Variants in UVRAG observed in about 807,000 individuals in gnomAD.
The protein encoded by UVRAG is UV radiation resistance-associated gene protein.
Under a neutral mutation model 78.0 loss-of-function variants are expected in UVRAG, and 19 were observed. The ratio of observed to expected loss-of-function variants is 0.24; its 90% confidence interval spans 0.17 to 0.36. The LOEUF (loss-of-function observed/expected upper bound fraction) is 0.36. Ranked by LOEUF, UVRAG falls within the 10% of genes least tolerant of loss-of-function variation. UVRAG has a pLI of 1.00. For synonymous variants in UVRAG, 323 were observed against 324.6 expected, an observed-to-expected ratio of 1.00 and a Z score of 0.05; for missense variants, 740 against 853.8, an observed-to-expected ratio of 0.87 and a Z score of 1.66.
At chr11:75,904,113 T>C (rs905522958) in intron 5 of UVRAG, among the ~76,000 whole-genome samples, 52 of 152,224 alleles carry the variant, frequency 3.4e-4, no homozygotes, top group African/African-American at 1.2e-3. Flanking sequence ...AGAAATGACA[T>C]GTGGCCTGCA....
At chr11:76,061,367 C>T (rs1951089312) in intron 12 of UVRAG, among the ~76,000 whole-genome samples, 1 of 152,126 alleles carries the variant, frequency 6.6e-6, no homozygotes, top group Non-Finnish European at 1.5e-5. Flanking sequence ...GTGGGTGGGG[C>T]CAGATAAGAG....
chr11:75,833,110 T>C (rs1945697527), intron 1 of UVRAG, among the ~76,000 whole-genome samples: 1 of 152,150 alleles, frequency 6.6e-6, no homozygotes. Flanking sequence ...TTATTTTTAT[T>C]TTTATTTGGA....
intron 7 of UVRAG, chr11:75,979,753 TGATTTTCCGGGTGC>T (rs1949349204): frequency 6.6e-6 from 1 of 152,336 alleles, no homozygotes; most frequent in Non-Finnish European, 1.5e-5. Flanking sequence ...GGGAGTGACC[TGATTTTCCGGGTGC>T]GATTTTCCAG....
At chr11:75,918,332 C>T (rs76643659) in intron 6 of UVRAG, among the ~76,000 whole-genome samples, 4,808 of 150,536 alleles carry the variant, frequency 0.032, 253 homozygotes, top group African/African-American at 0.11. Context: ...GAGCCGAGAT[C>T]GCGCCGCTGC....
At chr11:76,116,368 G>A (rs1429659009) in intron 14 of UVRAG, among the ~76,000 whole-genome samples, 2 of 152,156 alleles carry the variant, frequency 1.3e-5, no homozygotes, top group East Asian at 1.9e-4. Context: ...ACAGGTGAAG[G>A]GCCTGATTAT....
intron 6 of UVRAG, among the ~76,000 whole-genome samples, chr11:75,956,729 C>G (rs185320828): frequency 6.6e-6 from 1 of 152,270 alleles, no homozygotes; most frequent in Admixed American, 6.5e-5. Flanking sequence ...TTTAGCTGTT[C>G]CACATCCTTG....
At chr11:75,945,961 G>C (rs937065346) in intron 6 of UVRAG, among the ~76,000 whole-genome samples, 2 of 151,870 alleles carry the variant, frequency 1.3e-5, no homozygotes, top group Admixed American at 1.3e-4. Flanking sequence ...TTTATGTTCA[G>C]CCCTTACCCG....
intron 4 of UVRAG, among the ~76,000 whole-genome samples, chr11:75,885,197 C>T (rs1434894169): frequency 6.6e-6 from 1 of 151,878 alleles, no homozygotes; most frequent in Non-Finnish European, 1.5e-5. Flanking sequence ...GTATTCTACA[C>T]CCTTGCTAAA....
chr11:75,939,637 GTTCACCCCCTTCAGA>G (rs1359272222), intron 6 of UVRAG, among the ~76,000 whole-genome samples: 1 of 152,010 alleles, frequency 6.6e-6, no homozygotes, highest in Non-Finnish European at 1.5e-5. Context: ...GGTCTAAAGT[GTTCACCCCCTTCAGA>G]TTGCTTTTTG....
intron 6 of UVRAG, among the ~76,000 whole-genome samples, chr11:75,952,976 TG>T (rs1249494977): frequency 1.3e-5 from 2 of 152,180 alleles, no homozygotes; most frequent in Non-Finnish European, 2.9e-5. Context: ...TTGTTTGTTT[TG>T]GAAATTTGTG....
intron 14 of UVRAG, among the ~76,000 whole-genome samples, chr11:76,130,927 G>GT (rs1172470643): frequency 4.1e-5 from 6 of 146,686 alleles, no homozygotes. Context: ...GAGGTTTTGG[G>GT]TTTTTTTGTT....
intron 12 of UVRAG, among the ~76,000 whole-genome samples, chr11:76,030,777 CTCTT>C (rs1950422103): frequency 6.6e-6 from 1 of 152,186 alleles, no homozygotes; most frequent in Non-Finnish European, 1.5e-5. Flanking sequence ...TCATCGTAAG[CTCTT>C]TCTTGATTTC....
In UVRAG at chr11:76,016,987, GTCTTTTTTTT is replaced by G; in HGVS notation, c.1226+8_1226+17del. ...TGACGGAAAAGGAGAGAGAGTAAGT[GTCTTTTTTTT>G]AAAAAAATGATTTTAACATCAAGCC... On this transcript the variant is annotated splice_region_variant and intron_variant, in intron 12 of 14. Coordinates refer to ENST00000356136, the MANE Select transcript of UVRAG (RefSeq NM_003369.4). The G allele has an allele frequency of 1.3e-6, 2 of 1,580,962 alleles. No homozygotes were observed. Among genetic ancestry groups the G allele is most frequent in the Admixed American group, 1.8e-5 (1 of 55,828 alleles).
chr11:76,007,900 T>C (rs1228073325), intron 10 of UVRAG, among the ~76,000 whole-genome samples: 1 of 151,948 alleles, frequency 6.6e-6, no homozygotes, highest in Non-Finnish European at 1.5e-5. Context: ...AACCACATTA[T>C]CCATTATCAC....
intron 12 of UVRAG, among the ~76,000 whole-genome samples, chr11:76,019,294 C>T (rs1481402236): frequency 6.6e-6 from 1 of 152,180 alleles, no homozygotes; most frequent in Non-Finnish European, 1.5e-5. Flanking sequence ...ATTTTGAATT[C>T]TCTGTCCGAA....
intron 3 of UVRAG, among the ~76,000 whole-genome samples, chr11:75,865,799 G>C (rs1384666558): frequency 6.6e-6 from 1 of 152,036 alleles, no homozygotes; most frequent in Non-Finnish European, 1.5e-5. Context: ...ATTTTTAGTA[G>C]AGACAGGATT....
rs565856586 is a variant in UVRAG, at chr11:75,933,140, G to A, written c.593+21101G>A. Among the ~76,000 whole-genome samples, 160 of 152,190 alleles carry A rather than the reference G, an allele frequency of 1.1e-3. 2 individuals are homozygous for A. Among genetic ancestry groups the A allele is most frequent in the Non-Finnish European group, 4.4e-5 (3 of 68,022 alleles). On this transcript the variant is annotated intron_variant, in intron 6 of 14. Coordinates refer to ENST00000356136, the MANE Select transcript of UVRAG (RefSeq NM_003369.4). ...GATCTGTAGTAAACAAAACAGTATGGTACTGGCCTAAAAGCAGACACATAG... is the reference window on the plus strand; with the variant it reads ...GATCTGTAGTAAACAAAACAGTATGATACTGGCCTAAAAGCAGACACATAG...
intron 5 of UVRAG, among the ~76,000 whole-genome samples, chr11:75,895,584 C>A (rs190680280): frequency 6.7e-6 from 1 of 150,360 alleles, no homozygotes; most frequent in Non-Finnish European, 1.5e-5. Flanking sequence ...TCTGGTTAAG[C>A]GTATGTAGCA....
chr11:76,137,239 G>T, intron 14 of UVRAG: 1 of 434,328 alleles, frequency 2.3e-6, no homozygotes, highest in Non-Finnish European at 4.6e-6. Context: ...AGGGTATAGT[G>T]GCCACTGCGG....
Sources: gnomAD v4.1 joint callset for allele counts (sites outside exome capture counted in the v4.1 genomes callset) on GRCh38, gnomAD v4.1.1 for gene constraint, MANE v1.5 for transcripts, NCBI Gene and HGNC (gene_info 2026-07-23, HGNC 2026-07-21) for gene names.